NEO1: variants seen among roughly 807,000 people sequenced by gnomAD.
NEO1 encodes neogenin 1.
A neutral mutation model predicts 159.7 loss-of-function variants in NEO1; 63 were observed. That is an observed-to-expected ratio of 0.39 (90% CI 0.32 to 0.49). The LOEUF (loss-of-function observed/expected upper bound fraction) is 0.49, where lower values mean the gene tolerates loss of function less well. Ranked by LOEUF, NEO1 falls within the 20% of genes least tolerant of loss-of-function variation. The pLI, the probability that NEO1 is intolerant of heterozygous loss-of-function variation, is 0.85. For missense variants in NEO1, 1,615 were observed against 1,831.0 expected, an observed-to-expected ratio of 0.88 and a Z score of 2.15; for synonymous variants, 633 against 662.0, an observed-to-expected ratio of 0.96 and a Z score of 0.67.
At chr15:73,062,101 TTACTA>T (rs2068008025) in intron 1 of NEO1, among the ~76,000 whole-genome samples, 1 of 152,176 alleles carries the variant, frequency 6.6e-6, no homozygotes, top group Non-Finnish European at 1.5e-5. Context: ...TCCAAATTGT[TTACTA>T]AACAGCTGAT....
intron 5 of NEO1, among the ~76,000 whole-genome samples, chr15:73,171,127 A>G (rs953867583): frequency 2.0e-5 from 3 of 152,222 alleles, no homozygotes; most frequent in Non-Finnish European, 4.4e-5. Flanking sequence ...GGAAAACCTT[A>G]TATTACAAAT....
chr15:73,269,286 G>A (rs1410000745), intron 16 of NEO1, among the ~76,000 whole-genome samples: 1 of 152,138 alleles, frequency 6.6e-6, no homozygotes, highest in African/African-American at 2.4e-5. Flanking sequence ...AAACCATGAG[G>A]TTTGTATTGC....
rs149154333 is a variant in NEO1 at position 73,281,810 on chromosome 15, A to G, written c.3263-1154A>G. Reference sequence around the variant, plus strand: ...GGTGGGATTTGCCACATTTTATAATATGAGCATACATAAATAATGAGTAGG... The same window carrying G: ...GGTGGGATTTGCCACATTTTATAATGTGAGCATACATAAATAATGAGTAGG... On this transcript the variant is annotated intron_variant, in intron 22 of 28. Transcript: ENST00000261908. 1.7e-3 allele frequency among the ~76,000 whole-genome samples: 261 copies of G among 152,372 alleles called. 1 individual carries two copies. Among genetic ancestry groups the G allele is most frequent in the African/African-American group, 6.2e-3 (256 of 41,588 alleles).
Position 73,250,953 on chromosome 15 carries a change from T to C in NEO1, c.1894+1232T>C, listed in dbSNP as rs142347999. 8.5e-3 allele frequency among the ~76,000 whole-genome samples: 1,300 copies of C among 152,332 alleles called. 22 individuals carry two copies. The highest frequency in any genetic ancestry group is 0.03 in the African/African-American group (1,228 of 41,572). On this transcript the variant is annotated intron_variant, in intron 11 of 28. Coordinates refer to ENST00000261908, the MANE Select transcript of NEO1 (RefSeq NM_002499.4). ...TTCTGAATGTGATTGTTGTATTGTG[T>C]ACTTTGTTGGAGAATGTCCTTGTTC... is the stretch of plus-strand genomic sequence containing the variant.
At chr15:73,154,328 G>A (rs916564392) in intron 5 of NEO1, among the ~76,000 whole-genome samples, 5 of 152,054 alleles carry the variant, frequency 3.3e-5, no homozygotes, top group Admixed American at 6.6e-5. Flanking sequence ...CATCACCCAA[G>A]CATTTATCCT....
intron 5 of NEO1, among the ~76,000 whole-genome samples, chr15:73,154,222 A>T (rs1351615126): frequency 1.3e-5 from 2 of 151,806 alleles, no homozygotes; most frequent in Non-Finnish European, 2.9e-5. Context: ...AAAAAAAAAA[A>T]TTTGTAATAG....
At chr15:73,271,581 C>A (rs1567659339) in intron 18 of NEO1, among the ~76,000 whole-genome samples, 1 of 152,128 alleles carries the variant, frequency 6.6e-6, no homozygotes, top group Non-Finnish European at 1.5e-5. Flanking sequence ...ATCTGTAAAT[C>A]ATCTATTCTT....
intron 5 of NEO1, among the ~76,000 whole-genome samples, chr15:73,138,420 A>G (rs75487461): frequency 0.32 from 49,032 of 152,212 alleles, 9,014 homozygotes; most frequent in Admixed American, 0.45. Flanking sequence ...TAAATACTCA[A>G]TAAAAGATAT....
intron 1 of NEO1, among the ~76,000 whole-genome samples, chr15:73,114,562 C>T (rs1308417339): frequency 3.3e-5 from 5 of 152,012 alleles, no homozygotes; most frequent in African/African-American, 4.8e-5. Context: ...TACTTTTTTT[C>T]GTTGTTCAAC....
At chr15:73,150,492 A>T (rs2033280140) in intron 5 of NEO1, among the ~76,000 whole-genome samples, 1 of 152,150 alleles carries the variant, frequency 6.6e-6, no homozygotes, top group South Asian at 2.1e-4. Flanking sequence ...TTGACATTTT[A>T]CTGTAATGCT....
rs1301854733 is a variant in NEO1, at chr15:73,295,329, A to G, written c.3901+1781A>G. On this transcript the variant is annotated intron_variant, in intron 26 of 28. Coordinates refer to ENST00000261908, the MANE Select transcript of NEO1 (RefSeq NM_002499.4). ...GCAGCCTCCACACCTGCTCTTAGAA[A>G]GGAGGTTTTGTGCCCAACCCTGTTT... is the stretch of plus-strand genomic sequence containing the variant. Among the ~76,000 whole-genome samples, 4 of 151,878 alleles carry G rather than the reference A, an allele frequency of 2.6e-5. No homozygotes were observed. In the East Asian group the frequency reaches 7.8e-4, roughly 30 times the overall value.
intron 1 of NEO1, among the ~76,000 whole-genome samples, chr15:73,069,799 G>A (rs2068447424): frequency 6.6e-6 from 1 of 152,094 alleles, no homozygotes; most frequent in Non-Finnish European, 1.5e-5. Flanking sequence ...AAGGAATTCA[G>A]AGTTTAGTAA....
chr15:73,164,473 C>T (rs1376080941), intron 5 of NEO1, among the ~76,000 whole-genome samples: 1 of 152,122 alleles, frequency 6.6e-6, no homozygotes, highest in African/African-American at 2.4e-5. Context: ...CCTCAGCCTC[C>T]CAAAGTGCTG....
chr15:73,090,725 A>G (rs1345700073), intron 1 of NEO1, among the ~76,000 whole-genome samples: 1 of 152,196 alleles, frequency 6.6e-6, no homozygotes, highest in African/African-American at 2.4e-5. Context: ...CTATCATTCC[A>G]CTATTACCAA....
At chr15:73,243,281 C>T (rs1027096347) in intron 8 of NEO1, among the ~76,000 whole-genome samples, 4 of 152,022 alleles carry the variant, frequency 2.6e-5, no homozygotes, top group Admixed American at 2.6e-4. Flanking sequence ...TGCTCACAAT[C>T]AGACAAATTG....
intron 8 of NEO1, among the ~76,000 whole-genome samples, chr15:73,243,810 G>C (rs761631385): frequency 3.9e-5 from 6 of 152,092 alleles, no homozygotes; most frequent in Non-Finnish European, 8.8e-5. Flanking sequence ...ATTGTAATCA[G>C]TTTATTTTAT....
In NEO1 at chr15:73,273,846, G is replaced by C; in HGVS notation, c.3001G>C (p.Glu1001Gln). Residue 1001 changes from glutamate to glutamine, a missense_variant, in exon 20 of 29, where the codon GAG (glutamate) becomes CAG (glutamine). This residue lies in a region of NEO1 where 126 missense variants were observed against 216.7 expected (regional missense o/e 0.58). Transcript: ENST00000261908. ...IIYYSTDVNA[E>Q]IHDWVIEPVV... ...ATATTACAGTACAGATGTGAATGCA[G>C]AGATACATGACTGGGTTATTGAGCC... The C allele has an allele frequency of 1.2e-6, 2 of 1,614,110 alleles. No individual in the cohort carries two copies. The highest frequency in any genetic ancestry group is 1.7e-6 in the Non-Finnish European group (2 of 1,179,996).
chr15:73,263,568 T>G (rs545623095), intron 15 of NEO1, among the ~76,000 whole-genome samples: 1 of 152,130 alleles, frequency 6.6e-6, no homozygotes, highest in Non-Finnish European at 1.5e-5. Context: ...TTTTGTTAGG[T>G]ATAATTACTT....
At chr15:73,183,257 C>T (rs1338566888) in intron 7 of NEO1, among the ~76,000 whole-genome samples, 1 of 152,010 alleles carries the variant, frequency 6.6e-6, no homozygotes. Context: ...CAAAGGCCTT[C>T]CCATTTACTC....
Sources: gnomAD v4.1 joint callset for allele counts (sites outside exome capture counted in the v4.1 genomes callset) on GRCh38, gnomAD v4.1.1 for gene constraint, gnomAD v4.1.1 regional missense constraint, MANE v1.5 for transcripts, NCBI Gene and HGNC (gene_info 2026-07-23, HGNC 2026-07-21) for gene names.